PTPRT: variants seen among roughly 807,000 people sequenced by gnomAD.
PTPRT encodes protein tyrosine phosphatase receptor type T.
In PTPRT, 56 loss-of-function variants were observed where a neutral mutation model predicts 176.8. The ratio of observed to expected loss-of-function variants is 0.32; its 90% CI spans 0.26 to 0.40. PTPRT has a LOEUF of 0.40. Among genes scored for constraint, PTPRT ranks in the 10% least tolerant of loss-of-function variants. The probability of loss-of-function intolerance (pLI) is 1.00; values close to 1 mark genes in which losing one functional copy is unlikely to be tolerated. For synonymous variants in PTPRT, 783 were observed against 739.0 expected, an observed-to-expected ratio of 1.06 and a Z score of -0.96; for missense variants, 1,540 against 1,908.2, an observed-to-expected ratio of 0.81 and a Z score of 3.60.
chr20:43,091,791 A>G (rs376543973), intron 1 of PTPRT, among the ~76,000 whole-genome samples: 1 of 152,160 alleles, frequency 6.6e-6, no homozygotes, highest in Admixed American at 6.5e-5. Context: ...GGAGGAAGGT[A>G]GGAGAGCACT....
intron 1 of PTPRT, among the ~76,000 whole-genome samples, chr20:43,132,331 A>T (rs558073943): frequency 6.6e-6 from 1 of 152,336 alleles, no homozygotes; most frequent in South Asian, 2.1e-4. Context: ...ATTGCTTTTT[A>T]AGCCAAGAAT....
intron 14 of PTPRT, among the ~76,000 whole-genome samples, chr20:42,248,435 G>A (rs183285267): frequency 2.0e-5 from 3 of 152,218 alleles, no homozygotes; most frequent in South Asian, 2.1e-4. Flanking sequence ...ATGGCACATC[G>A]CGGTGGCCCA....
At chr20:42,406,542 T>C (rs2058962895) in intron 9 of PTPRT, among the ~76,000 whole-genome samples, 1 of 151,996 alleles carries the variant, frequency 6.6e-6, no homozygotes, top group Non-Finnish European at 1.5e-5. Context: ...AGATCCTTTT[T>C]TTTCCAAATG....
chr20:42,943,375 G>A lies in PTPRT; in HGVS notation c.89-57443C>T, dbSNP rs1432705171. Among the ~76,000 whole-genome samples, 3 of 152,220 alleles carry A rather than the reference G, an allele frequency of 2.0e-5. No homozygotes were observed. In the East Asian group the frequency reaches 5.8e-4, roughly 29 times the overall value. On this transcript the variant is annotated intron_variant, in intron 1 of 30. Coordinates refer to ENST00000373187, the MANE Select transcript of PTPRT (RefSeq NM_007050.6). ...TGGCTTGTGAAGGGATACGCACGCA[G>A]AGCCTTCGGGTCAGAAGCTTGTGCC...
At chr20:42,741,943 G>A (rs981389871) in intron 6 of PTPRT, among the ~76,000 whole-genome samples, 1 of 152,206 alleles carries the variant, frequency 6.6e-6, no homozygotes, top group Non-Finnish European at 1.5e-5. Context: ...TTCAGCAGAT[G>A]CATGCAAATA....
At chr20:42,336,814 A>G (rs2058046808) in intron 11 of PTPRT, among the ~76,000 whole-genome samples, 1 of 152,226 alleles carries the variant, frequency 6.6e-6, no homozygotes, top group Non-Finnish European at 1.5e-5. Flanking sequence ...TTATTGTTTC[A>G]GATGGCTGTG....
the PTPRT span, among the ~76,000 whole-genome samples, chr20:42,037,909 C>T: frequency 1.3e-5 from 2 of 152,158 alleles, no homozygotes; most frequent in Non-Finnish European, 2.9e-5. Context: ...GTAGGAGGCA[C>T]AGCTGCTGCT....
At chr20:42,807,269 C>T (rs569075244) in intron 2 of PTPRT, among the ~76,000 whole-genome samples, 1 of 152,096 alleles carries the variant, frequency 6.6e-6, no homozygotes, top group East Asian at 1.9e-4. Context: ...TCTGTTTTTC[C>T]GACCATTCCT....
chr20:42,033,266 C>T, the PTPRT span, among the ~76,000 whole-genome samples: 14 of 152,324 alleles, frequency 9.2e-5, no homozygotes, highest in African/African-American at 2.9e-4. Flanking sequence ...TCTATAAATT[C>T]GGCAACATTC....
chr20:43,072,150 A>G (rs999668242), intron 1 of PTPRT, among the ~76,000 whole-genome samples: 1 of 152,226 alleles, frequency 6.6e-6, no homozygotes, highest in Non-Finnish European at 1.5e-5. Flanking sequence ...AGTGGCCAAC[A>G]CTTCTGAGAC....
intron 7 of PTPRT, among the ~76,000 whole-genome samples, chr20:42,544,753 T>C (rs145615524): frequency 1.0e-3 from 153 of 152,326 alleles, no homozygotes; most frequent in African/African-American, 3.2e-3. Context: ...CATTCAAGTC[T>C]TGTGTAAGCT....
chr20:42,145,357 G>A (rs1331627072), intron 17 of PTPRT, among the ~76,000 whole-genome samples: 1 of 152,128 alleles, frequency 6.6e-6, no homozygotes, highest in African/African-American at 2.4e-5. Context: ...AAAATTAGCT[G>A]GGCGTGGTGA....
chr20:42,391,646 G>A (rs533727632), intron 9 of PTPRT, among the ~76,000 whole-genome samples: 18 of 152,214 alleles, frequency 1.2e-4, no homozygotes, highest in African/African-American at 3.6e-4. Context: ...CCTAAAGAGC[G>A]GGAGGAAGGG....
intron 2 of PTPRT, among the ~76,000 whole-genome samples, chr20:42,804,440 G>A (rs777037319): frequency 6.6e-6 from 1 of 152,166 alleles, no homozygotes; most frequent in Non-Finnish European, 1.5e-5. Flanking sequence ...CAAAGATACT[G>A]TCTCTGTCAG....
intron 18 of PTPRT, among the ~76,000 whole-genome samples, chr20:42,140,565 G>A (rs1011199526): frequency 2.0e-5 from 3 of 152,122 alleles, no homozygotes; most frequent in African/African-American, 7.2e-5. Flanking sequence ...ACAAGTTATT[G>A]TCACTGTTTG....
At chr20:42,882,822 T>C (rs2079029208) in intron 2 of PTPRT, among the ~76,000 whole-genome samples, 1 of 152,178 alleles carries the variant, frequency 6.6e-6, no homozygotes, top group Non-Finnish European at 1.5e-5. Flanking sequence ...TAAGGACAAG[T>C]GCAAGGTGCA....
chr20:43,071,052 A>G (rs1261696462), intron 1 of PTPRT, among the ~76,000 whole-genome samples: 2 of 151,854 alleles, frequency 1.3e-5, no homozygotes, highest in Non-Finnish European at 2.9e-5. Context: ...ATGACTGACC[A>G]ACACAAGGGT....
At chr20:42,939,449 C>T (rs1421572854) in intron 1 of PTPRT, among the ~76,000 whole-genome samples, 1 of 152,154 alleles carries the variant, frequency 6.6e-6, no homozygotes, top group Non-Finnish European at 1.5e-5. Context: ...CTGTCTTCCC[C>T]CCTCCTTTTC....
At chr20:42,402,483 TAAAA>T (rs3061921) in intron 9 of PTPRT, among the ~76,000 whole-genome samples, 1 of 95,150 alleles carries the variant, frequency 1.1e-5, no homozygotes, top group Non-Finnish European at 2.0e-5. Context: ...ATAGTGCAGT[TAAAA>T]AAAAAAAAAA....
Sources: gnomAD v4.1 joint callset for allele counts (sites outside exome capture counted in the v4.1 genomes callset) on GRCh38, gnomAD v4.1.1 for gene constraint, MANE v1.5 for transcripts, NCBI Gene and HGNC (gene_info 2026-07-23, HGNC 2026-07-21) for gene names.